Variants in SOX6 observed in about 807,000 individuals in gnomAD.
The protein encoded by SOX6 is SRY-box transcription factor 6, also known as transcription factor SOX-6.
SOX6 carries 11 observed loss-of-function variants against 97.8 expected under a neutral mutation model. That is an observed-to-expected ratio of 0.11 (90% CI 0.07 to 0.19). The LOEUF is 0.19. SOX6 is among the 10% of genes least tolerant of loss of function. The probability of loss-of-function intolerance (pLI) is 1.00; values close to 1 mark genes in which losing one functional copy is unlikely to be tolerated. For synonymous variants in SOX6, 360 were observed against 371.4 expected (o/e 0.97, Z 0.35); for missense variants, 810 against 1,039.5 (o/e 0.78, Z 3.04).
chr11:16,719,021 G>A lies in SOX6; in HGVS notation n.354-4116C>T, dbSNP rs567952938. On this transcript the variant is annotated intron_variant and non_coding_transcript_variant, in intron 2 of 5. Coordinates refer to the SOX6 transcript ENST00000524520. ...AAGAGAGAGACAGAGAAATCCAAAGGTATACACTTATATTTAACTACTCAT... is the reference window on the plus strand; with the variant it reads ...AAGAGAGAGACAGAGAAATCCAAAGATATACACTTATATTTAACTACTCAT... Among the ~76,000 whole-genome samples, 5 of 147,896 alleles carry A rather than the reference G, an allele frequency of 3.4e-5. No individual in the cohort carries two copies. In the East Asian group the frequency reaches 9.8e-4, roughly 29 times the overall value.
chr11:16,437,249 G>C (rs1859395340), intron 1 of SOX6, among the ~76,000 whole-genome samples: 1 of 151,252 alleles, frequency 6.6e-6, no homozygotes, highest in Admixed American at 6.6e-5. Flanking sequence ...GGCCTGGGGG[G>C]CAGAGCAAAA....
At chr11:16,560,616 CAT>C (rs766544243) in intron 4 of SOX6, among the ~76,000 whole-genome samples, 1 of 132,248 alleles carries the variant, frequency 7.6e-6, no homozygotes, top group Non-Finnish European at 1.6e-5. Context: ...TTTATACGTA[CAT>C]ATATGTTTAT....
At chr11:16,737,576 C>G (rs1385229548) in intron 1 of SOX6, among the ~76,000 whole-genome samples, 1 of 151,484 alleles carries the variant, frequency 6.6e-6, no homozygotes. Context: ...TTATTAAGGA[C>G]AAGGATTCTG....
chr11:16,206,144 G>T (rs1852067035), intron 4 of SOX6, among the ~76,000 whole-genome samples: 1 of 151,808 alleles, frequency 6.6e-6, no homozygotes, highest in Non-Finnish European at 1.5e-5. Context: ...ATGTGTTAAT[G>T]TACAACTAGC....
intron 3 of SOX6, among the ~76,000 whole-genome samples, chr11:16,667,919 C>A (rs1030050569): frequency 1.3e-5 from 2 of 152,046 alleles, no homozygotes; most frequent in African/African-American, 4.8e-5. Context: ...ATAGAAACAA[C>A]AAAAAGTTAA....
At chr11:16,479,502 C>T (rs12293819), upstream of SOX6, among the ~76,000 whole-genome samples, 11 of 150,188 alleles carry the variant, frequency 7.3e-5, no homozygotes, top group Admixed American at 1.3e-4. Context: ...TGCACTCCAA[C>T]CCGGGCAACG....
intron 4 of SOX6, among the ~76,000 whole-genome samples, chr11:16,229,153 T>C (rs138503791): frequency 2.3e-3 from 351 of 152,190 alleles, no homozygotes; most frequent in African/African-American, 8.1e-3. Context: ...CATTACACTC[T>C]AGGACTCTAA....
intron 9 of SOX6, among the ~76,000 whole-genome samples, chr11:16,082,852 C>T (rs1250525427): frequency 6.6e-6 from 1 of 152,134 alleles, no homozygotes; most frequent in Admixed American, 6.5e-5. Context: ...GTGTAAAAGG[C>T]ACTCTGTGAT....
chr11:16,428,196 G>C lies in SOX6; in HGVS notation c.-5+48119C>G, dbSNP rs1167563421. Among the ~76,000 whole-genome samples, 5 of 152,018 alleles carry C rather than the reference G, an allele frequency of 3.3e-5. No individual in the cohort carries two copies. The East Asian group carries it at 7.7e-4, about 24-fold the overall frequency. On this transcript the variant is annotated intron_variant, in intron 1 of 15. Coordinates refer to the SOX6 transcript ENST00000396356. ...GGGGTTGTTTTTTTCTTGTAAATTT[G>C]TTTGAGTTCATTGTAGATTCTGGAT...
At chr11:16,297,157 C>A (rs1855118496) in intron 3 of SOX6, among the ~76,000 whole-genome samples, 3 of 152,036 alleles carry the variant, frequency 2.0e-5, no homozygotes, top group Admixed American at 2.0e-4. Flanking sequence ...ATGTTACTTT[C>A]ATAAAGTAAT....
intron 1 of SOX6, among the ~76,000 whole-genome samples, chr11:16,448,191 G>A (rs1272826590): frequency 6.6e-6 from 1 of 152,190 alleles, no homozygotes; most frequent in Non-Finnish European, 1.5e-5. Context: ...TGGGCATGAA[G>A]TCAGCTGAGT....
At chr11:16,305,311 T>C (rs1387545362) in intron 3 of SOX6, among the ~76,000 whole-genome samples, 1 of 152,214 alleles carries the variant, frequency 6.6e-6, no homozygotes, top group Non-Finnish European at 1.5e-5. Flanking sequence ...TGTGAAATAA[T>C]GTTCAACATC....
intron 4 of SOX6, among the ~76,000 whole-genome samples, chr11:16,541,419 C>T (rs1861406677): frequency 6.6e-6 from 1 of 152,086 alleles, no homozygotes; most frequent in Non-Finnish European, 1.5e-5. Context: ...TGGGCAAGGA[C>T]TTCATGACTA....
At chr11:16,724,082 A>G (rs1250268650) in intron 2 of SOX6, among the ~76,000 whole-genome samples, 1 of 152,236 alleles carries the variant, frequency 6.6e-6, no homozygotes, top group Non-Finnish European at 1.5e-5. Flanking sequence ...ATAACTAATT[A>G]GTTAATTGAT....
At chr11:16,720,200 C>A (rs1373147957) in intron 2 of SOX6, among the ~76,000 whole-genome samples, 1 of 146,146 alleles carries the variant, frequency 6.8e-6, no homozygotes, top group Non-Finnish European at 1.5e-5. Context: ...TGGGTATATA[C>A]CCAAAGGACT....
chr11:16,030,907 C>T (rs1034268295), intron 12 of SOX6, among the ~76,000 whole-genome samples: 60 of 152,244 alleles, frequency 3.9e-4, no homozygotes, highest in African/African-American at 1.4e-3. Context: ...TCCAATGAAA[C>T]AGGAGGCAGG....
chr11:16,411,240 T>G (rs189457475), intron 1 of SOX6, among the ~76,000 whole-genome samples: 1 of 152,356 alleles, frequency 6.6e-6, no homozygotes, highest in Admixed American at 6.5e-5. Flanking sequence ...TGTGCTGTTG[T>G]CTGCGAGGAC....
intron 2 of SOX6, among the ~76,000 whole-genome samples, chr11:16,339,210 A>T (rs1247282137): frequency 6.6e-6 from 1 of 151,948 alleles, no homozygotes; most frequent in African/African-American, 2.4e-5. Flanking sequence ...GCCAGACTTT[A>T]TCTGTTTGAA....
At chr11:16,548,762 C>T (rs1847648350) in intron 4 of SOX6, among the ~76,000 whole-genome samples, 1 of 151,982 alleles carries the variant, frequency 6.6e-6, no homozygotes, top group Admixed American at 6.6e-5. Context: ...TATTGTACAA[C>T]ATAGTGACTA....
Sources: allele counts gnomAD v4.1 joint callset (sites outside exome capture counted in the v4.1 genomes callset), GRCh38; gene constraint gnomAD v4.1.1; transcripts MANE v1.5; gene names NCBI Gene and HGNC (gene_info 2026-07-23, HGNC 2026-07-21).